KLHL4: variants seen among roughly 807,000 people sequenced by gnomAD.
The protein encoded by KLHL4 is kelch-like protein 4.
KLHL4 carries 17 observed loss-of-function variants against 45.8 expected under a neutral mutation model. The observed-to-expected ratio is 0.37, with a 90% CI of 0.25 to 0.56. The LOEUF is 0.56. KLHL4 is among the 20% of genes least tolerant of loss of function. The probability of loss-of-function intolerance (pLI) is 0.79; values close to 1 mark genes in which losing one functional copy is unlikely to be tolerated. For missense variants in KLHL4, 544 were observed against 544.9 expected, an observed-to-expected ratio of 1.00 and a Z score of 0.02; for synonymous variants, 224 against 189.9, an observed-to-expected ratio of 1.18 and a Z score of -1.47.
chrX:87,653,512 G>A (rs780737930), intron 9 of KLHL4, among the ~76,000 whole-genome samples: 35 of 111,908 alleles, frequency 3.1e-4, no homozygotes, highest in Middle Eastern at 4.7e-3. Context: ...AAATAGGAAT[G>A]CTTTTACACT....
intron 1 of KLHL4, among the ~76,000 whole-genome samples, chrX:87,522,699 A>G (rs1403473398): frequency 8.9e-6 from 1 of 112,406 alleles, no homozygotes; most frequent in Non-Finnish European, 1.9e-5. Flanking sequence ...ATGGTTTAAA[A>G]CACACCGCAC....
rs1041300060 is a variant in KLHL4, at chrX:87,643,939, A to G, written c.1925+8164A>G. ...ACCATCTATGACAAACCCACAGCCA[A>G]CACAATACTGAATGTGGAAAAGTTG... is the stretch of plus-strand genomic sequence containing the variant. On this transcript the variant is annotated intron_variant, in intron 9 of 10. Coordinates refer to ENST00000373119, the MANE Select transcript of KLHL4 (RefSeq NM_019117.5). Among the ~76,000 whole-genome samples the G allele has an allele frequency of 5.4e-5, 6 of 111,780 alleles. No homozygotes were observed. The Admixed American group carries it at 5.7e-4, about 11-fold the overall frequency.
In KLHL4 at chrX:87,584,454, A is replaced by G. The variant is rs747247099; in HGVS notation, c.423-29423A>G. On this transcript the variant is annotated intron_variant, in intron 1 of 10. Transcript: ENST00000373119. ...AGAGCTGTGTTGAGGAAACACAAAG[A>G]AATTGAAGATAATGCAGAGAAGGAA... is the stretch of plus-strand genomic sequence containing the variant. Among the ~76,000 whole-genome samples the G allele has an allele frequency of 1.2e-4, 13 of 112,200 alleles. No homozygotes were observed. In the East Asian group the frequency reaches 3.7e-3, roughly 32 times the overall value.
At chrX:87,631,770 CAAAT>C (rs1291485780) in intron 6 of KLHL4, among the ~76,000 whole-genome samples, 6 of 111,854 alleles carry the variant, frequency 5.4e-5, no homozygotes, top group Non-Finnish European at 9.4e-5. Context: ...CACACACACA[CAAAT>C]AAACACACAC....
rs1055596037 is a variant in KLHL4, at chrX:87,545,475, C to T, written c.422+27160C>T. On this transcript the variant is annotated intron_variant, in intron 1 of 10. Coordinates refer to ENST00000373119, the MANE Select transcript of KLHL4 (RefSeq NM_019117.5). Reference sequence around the variant, plus strand: ...CCCTCTCGCCTGCTGCCATGTAAGACGTGCCTGCCTCCCCCTCTGACATGA... The same window carrying T: ...CCCTCTCGCCTGCTGCCATGTAAGATGTGCCTGCCTCCCCCTCTGACATGA... Among the ~76,000 whole-genome samples, 8 of 105,073 alleles carry T rather than the reference C, an allele frequency of 7.6e-5. No individual in the cohort carries two copies. The East Asian group carries it at 1.6e-3, about 22-fold the overall frequency. 91.2% of individuals were successfully genotyped at this position (105,073 alleles called of 115,157 possible).
intron 5 of KLHL4, among the ~76,000 whole-genome samples, chrX:87,623,294 T>C (rs1209916226): frequency 2.4e-5 from 2 of 84,889 alleles, no homozygotes; most frequent in African/African-American, 8.9e-5. Flanking sequence ...TTTTCTTTTT[T>C]TTTTTTTTTT....
chrX:87,623,746 G>A (rs1260832886), intron 5 of KLHL4, among the ~76,000 whole-genome samples: 4 of 111,531 alleles, frequency 3.6e-5, no homozygotes, highest in South Asian at 3.7e-4. Flanking sequence ...CAATAGTAAC[G>A]CCAAAAACAG....
chrX:87,543,758 A>G (rs1384525574), intron 1 of KLHL4, among the ~76,000 whole-genome samples: 2 of 111,135 alleles, frequency 1.8e-5, no homozygotes, highest in African/African-American at 6.5e-5. Context: ...TCAGTCTCTA[A>G]ACTTGAAAGG....
rs941689644 is a variant in KLHL4, at chrX:87,669,082, G to T, written c.*2548G>T. On this transcript the variant is annotated 3_prime_UTR_variant, in exon 11 of 11. Transcript: ENST00000373119. ...AGTAAGAGCAGGCCCTTTCTGACAT[G>T]CTTTAGCAGAGATAACTTATCAGGG... 2.2e-6 allele frequency: 2 copies of T among 921,144 alleles called. No individual in the cohort carries two copies. Among genetic ancestry groups the T allele is most frequent in the Non-Finnish European group, 2.7e-6 (2 of 746,466 alleles). The allele number at this position is 921,144 out of a possible 1,213,427, so 75.9% of individuals were successfully genotyped here.
At chrX:87,661,303 T>C (rs1292472509) in intron 9 of KLHL4, among the ~76,000 whole-genome samples, 1 of 111,697 alleles carries the variant, frequency 9.0e-6, no homozygotes, top group African/African-American at 3.3e-5. Flanking sequence ...TATGAAACTA[T>C]ATAAGTTGAT....
intron 1 of KLHL4, among the ~76,000 whole-genome samples, chrX:87,555,874 T>G (rs748918798): frequency 1.9e-5 from 2 of 106,991 alleles, no homozygotes; most frequent in Non-Finnish European, 3.9e-5. Context: ...AAATTTCCCT[T>G]TACACACTGC....
At chrX:87,658,791 T>A (rs1454606704) in intron 9 of KLHL4, among the ~76,000 whole-genome samples, 1 of 111,070 alleles carries the variant, frequency 9.0e-6, no homozygotes, top group Non-Finnish European at 1.9e-5. Flanking sequence ...GCAAAGCCCC[T>A]AATTTGCCCT....
chrX:87,560,445 T>G (rs1413760599), intron 1 of KLHL4, among the ~76,000 whole-genome samples: 1 of 112,121 alleles, frequency 8.9e-6, no homozygotes, highest in African/African-American at 3.2e-5. Flanking sequence ...TTGATTGTTT[T>G]GTATAATGGC....
At chrX:87,609,187 C>T (rs930546932) in intron 1 of KLHL4, among the ~76,000 whole-genome samples, 1 of 111,954 alleles carries the variant, frequency 8.9e-6, no homozygotes, top group Non-Finnish European at 1.9e-5. Context: ...GGTTCCAAGT[C>T]TTTGCTACTG....
intron 1 of KLHL4, among the ~76,000 whole-genome samples, chrX:87,556,115 TGCTGAGGAGA>T (rs1264211754): frequency 3.6e-5 from 4 of 111,314 alleles, no homozygotes; most frequent in African/African-American, 1.3e-4. Flanking sequence ...CTTTTACATT[TGCTGAGGAGA>T]GCTTTACTTC....
chrX:87,600,228 T>C (rs1159275096), intron 1 of KLHL4, among the ~76,000 whole-genome samples: 1 of 111,095 alleles, frequency 9.0e-6, no homozygotes, highest in Non-Finnish European at 1.9e-5. Context: ...GGCTCACACC[T>C]GTAATCCCAC....
intron 9 of KLHL4, among the ~76,000 whole-genome samples, chrX:87,664,362 C>A (rs1315306750): frequency 1.8e-5 from 2 of 111,821 alleles, no homozygotes; most frequent in African/African-American, 3.2e-5. Context: ...AATATGAGTT[C>A]TCATATAAAA....
chrX:87,604,779 C>T (rs1922139236), intron 1 of KLHL4, among the ~76,000 whole-genome samples: 1 of 111,016 alleles, frequency 9.0e-6, no homozygotes, highest in African/African-American at 3.3e-5. Context: ...TGATGTAGTT[C>T]ATTTTGTTTC....
intron 1 of KLHL4, among the ~76,000 whole-genome samples, chrX:87,526,612 C>T (rs376017703): frequency 8.0e-5 from 9 of 111,839 alleles, no homozygotes; most frequent in Non-Finnish European, 1.5e-4. Flanking sequence ...GAGGAATGGA[C>T]ACATTTTAAT....
Sources: allele counts gnomAD v4.1 joint callset (sites outside exome capture counted in the v4.1 genomes callset), GRCh38; gene constraint gnomAD v4.1.1; transcripts MANE v1.5; gene names NCBI Gene and HGNC (gene_info 2026-07-23, HGNC 2026-07-21).